The following LAPTM5 variants were observed in gnomAD, a reference collection of about 807,000 sequenced individuals.
The protein encoded by LAPTM5 is lysosomal-associated transmembrane protein 5.
A neutral mutation model predicts 30.1 loss-of-function variants in LAPTM5; 11 were observed. The ratio of observed to expected loss-of-function variants is 0.37; its 90% confidence interval spans 0.23 to 0.60. LAPTM5 has a LOEUF of 0.60. Ranked by LOEUF, LAPTM5 falls within the 20% of genes least tolerant of loss-of-function variation. LAPTM5 has a pLI of 0.71. For missense variants in LAPTM5, 324 were observed against 332.5 expected (o/e 0.97, Z 0.20); for synonymous variants, 151 against 137.9 (o/e 1.10, Z -0.67).
In LAPTM5 at chr1:30,739,717, C is replaced by G; in HGVS notation, c.387+92G>C. On this transcript the variant is annotated intron_variant, in intron 4 of 7. Coordinates refer to ENST00000294507, the MANE Select transcript of LAPTM5 (RefSeq NM_006762.3). This position sits in a 1 kb window ranked among gnomAD's most constrained non-coding sequence, Gnocchi z 4.2. The stretch of plus-strand genomic sequence containing the variant: ...GGAAGAGGGCTCCTACCCTCCCCAG[C>G]CTGAGCACAGGGCCCGTGTCTGGTC... The G allele has an allele frequency of 7.0e-7, 1 of 1,422,406 alleles. No individual in the cohort carries two copies. Among genetic ancestry groups the G allele is most frequent in the Non-Finnish European group, 9.3e-7 (1 of 1,071,682 alleles). The allele number at this position is 1,422,406 out of a possible 1,614,324, so 88.1% of individuals were successfully genotyped here.
intron 1 of LAPTM5, among the ~76,000 whole-genome samples, chr1:30,749,668 C>T (rs757624388): frequency 4.0e-5 from 6 of 151,872 alleles, no homozygotes; most frequent in Non-Finnish European, 7.4e-5. Flanking sequence ...AGGGTCCAAC[C>T]GTAGGGGTCA....
chr1:30,754,929 C>T (rs1410286196), intron 1 of LAPTM5, among the ~76,000 whole-genome samples: 1 of 152,264 alleles, frequency 6.6e-6, no homozygotes, highest in Admixed American at 6.5e-5. Context: ...ACCACAGCTT[C>T]TCTTTTTCCA....
In LAPTM5 at chr1:30,740,907, G is replaced by C. The variant is rs779593526; in HGVS notation, c.258+733C>G. ...CACTCCTCCGGCCCTGCAAGGGCCA[G>C]GCCCCTGTCTGCACAGGAAGGACCC... On this transcript the variant is annotated intron_variant, in intron 3 of 7. Transcript: ENST00000294507. Among the ~76,000 whole-genome samples the C allele has an allele frequency of 2.6e-4, 40 of 152,344 alleles. 2 individuals are homozygous for C. The highest frequency in any genetic ancestry group is 4.7e-4 in the Non-Finnish European group (32 of 68,024).
At chr1:30,751,339 AG>A (rs1449563185) in intron 1 of LAPTM5, among the ~76,000 whole-genome samples, 10 of 152,390 alleles carry the variant, frequency 6.6e-5, no homozygotes, top group African/African-American at 2.2e-4. Flanking sequence ...TGTCCAGCCC[AG>A]GGGCACTGGA....
Position 30,738,969 on chromosome 1 carries a change from A to G in LAPTM5, c.481T>C (p.Tyr161His), listed in dbSNP as rs1372327761. The G allele has an allele frequency of 6.2e-7, 1 of 1,607,920 alleles. No homozygotes were observed. The highest frequency in any genetic ancestry group is 1.7e-5 in the Admixed American group (1 of 59,446). Reference protein sequence around the residue: ...LCSSYMEVPTYLNFKSMNHMN... With the variant: ...LCSSYMEVPTHLNFKSMNHMN... Reference sequence around the variant, plus strand: ...TGGTTCATGGACTTGAAGTTGAGATAGGTGGGCACTTCCATGTAGGAGCTG... The same window carrying G: ...TGGTTCATGGACTTGAAGTTGAGATGGGTGGGCACTTCCATGTAGGAGCTG... The change falls in exon 5 of 8, where the codon TAT becomes CAT. Residue 161 changes from tyrosine to histidine, a missense_variant. Tyr to His is a moderately conservative substitution (Grantham distance 83, BLOSUM62 2). Transcript: ENST00000294507.
chr1:30,734,290 G>A (rs1269908595), intron 7 of LAPTM5, among the ~76,000 whole-genome samples: 1 of 152,162 alleles, frequency 6.6e-6, no homozygotes, highest in Non-Finnish European at 1.5e-5. Context: ...ATAGTCCTTG[G>A]TTTGGGGATA....
intron 1 of LAPTM5, among the ~76,000 whole-genome samples, chr1:30,744,736 G>T (rs1405024444): frequency 1.3e-5 from 2 of 152,100 alleles, no homozygotes; most frequent in Admixed American, 1.3e-4. Context: ...GTGCTGTTCT[G>T]ATGCCTTCCC....
chr1:30,744,883 C>T (rs941877550), intron 1 of LAPTM5, among the ~76,000 whole-genome samples: 3 of 152,118 alleles, frequency 2.0e-5, no homozygotes, highest in Admixed American at 6.5e-5. Flanking sequence ...CTAAATTACA[C>T]GCATGTGTTG....
Position 30,733,624 on chromosome 1 carries a change from G to A in LAPTM5, c.*204C>T. Reference sequence around the variant, plus strand: ...GCTGAATTATGGAGAGACCCGAGGAGTGACTCAGCCTAAAGCGTTGACCCA... The same window carrying A: ...GCTGAATTATGGAGAGACCCGAGGAATGACTCAGCCTAAAGCGTTGACCCA... On this transcript the variant is annotated 3_prime_UTR_variant, in exon 8 of 8. Transcript: ENST00000294507. 3 of 1,532,344 alleles carry A rather than the reference G, an allele frequency of 2.0e-6. No homozygotes were observed. The highest frequency in any genetic ancestry group is 2.6e-6 in the Non-Finnish European group (3 of 1,145,192). 94.9% of individuals were successfully genotyped at this position (1,532,344 alleles called of 1,614,324 possible).
In LAPTM5 at chr1:30,757,762, C is replaced by T. The variant is rs1176792441; in HGVS notation, c.-17G>A. 1 of 1,610,578 alleles carries T rather than the reference C, an allele frequency of 6.2e-7. No homozygotes were observed. ...GGGGTCCATGGTGCTGCCGTCCCCT[C>T]CTCTGAGACACTGAAGGGGAAAGAG... is the stretch of plus-strand genomic sequence containing the variant. On this transcript the variant is annotated 5_prime_UTR_variant, in exon 1 of 8. Transcript: ENST00000294507.
intron 5 of LAPTM5, 67 bp from the exon 6 acceptor site, chr1:30,737,766 C>T (rs1451867389): frequency 2.9e-6 from 3 of 1,034,170 alleles, no homozygotes; most frequent in Non-Finnish European, 3.0e-6. Flanking sequence ...ACCCACACAT[C>T]CGGGAATAAT....
intron 1 of LAPTM5, among the ~76,000 whole-genome samples, chr1:30,755,940 G>A (rs764028281): frequency 4.6e-5 from 7 of 152,202 alleles, no homozygotes; most frequent in African/African-American, 9.7e-5. Flanking sequence ...CGGGGTCACC[G>A]CAGGCCCCAT....
chr1:30,745,654 G>T (rs1640032820), intron 1 of LAPTM5, among the ~76,000 whole-genome samples: 1 of 152,198 alleles, frequency 6.6e-6, no homozygotes, highest in Non-Finnish European at 1.5e-5. Flanking sequence ...GGCAACCTCA[G>T]AGCCTGACTT....
intron 1 of LAPTM5, among the ~76,000 whole-genome samples, chr1:30,754,582 C>A (rs1640182406): frequency 6.6e-6 from 1 of 151,814 alleles, no homozygotes; most frequent in African/African-American, 2.4e-5. Flanking sequence ...AAAAGATGGG[C>A]AAGTTACTGA....
At chr1:30,753,792 C>T (rs182908551) in intron 1 of LAPTM5, among the ~76,000 whole-genome samples, 1 of 152,264 alleles carries the variant, frequency 6.6e-6, no homozygotes, top group East Asian at 1.9e-4. Flanking sequence ...TATTCATTCA[C>T]CCATTGCAAC....
chr1:30,738,240 TCTAA>T (rs953978671), intron 5 of LAPTM5, among the ~76,000 whole-genome samples: 6 of 152,190 alleles, frequency 3.9e-5, no homozygotes, highest in Middle Eastern at 3.2e-3. Flanking sequence ...GCAACGCACT[TCTAA>T]CTAACAGAAT....
chr1:30,744,147 AC>A (rs1640011666), intron 1 of LAPTM5, among the ~76,000 whole-genome samples: 1 of 152,178 alleles, frequency 6.6e-6, no homozygotes. Flanking sequence ...TACCAGGAGC[AC>A]GGTGCATGCT....
chr1:30,737,018 C>T (rs930876747), intron 6 of LAPTM5, among the ~76,000 whole-genome samples: 46 of 152,216 alleles, frequency 3.0e-4, no homozygotes, highest in African/African-American at 1.0e-3. Flanking sequence ...AAGATGGCAG[C>T]GTTTTCTTGT....
chr1:30,733,962 C>A (rs749694580), intron 7 of LAPTM5, 45 bp from the exon 8 acceptor site: 9 of 1,582,246 alleles, frequency 5.7e-6, no homozygotes, highest in Non-Finnish European at 7.7e-6. Flanking sequence ...TCAAGAATGA[C>A]CTGCAATTCC....
Sources: gnomAD v4.1 joint callset for allele counts (sites outside exome capture counted in the v4.1 genomes callset) on GRCh38, gnomAD v4.1.1 for gene constraint, Gnocchi (gnomAD v3.1) non-coding constraint, MANE v1.5 for transcripts, NCBI Gene and HGNC (gene_info 2026-07-23, HGNC 2026-07-21) for gene names.